The following RELN variants were observed in gnomAD, a reference collection of about 807,000 sequenced individuals.
RELN encodes the protein reelin.
Under a neutral mutation model 427.6 loss-of-function variants are expected in RELN, and 108 were observed. That is an observed-to-expected ratio of 0.25 (90% CI 0.22 to 0.30). RELN has a LOEUF of 0.30. RELN is among the 10% of genes least tolerant of loss of function. The probability of loss-of-function intolerance (pLI) is 1.00; values close to 1 mark genes in which losing one functional copy is unlikely to be tolerated. For synonymous variants in RELN, 1,524 were observed against 1,513.4 expected, an observed-to-expected ratio of 1.01 and a Z score of -0.16; for missense variants, 3,715 against 4,302.8, an observed-to-expected ratio of 0.86 and a Z score of 3.82.
rs1584342473 is a variant in RELN, at chr7:103,610,745, A to G, written c.2958T>C (p.Ser986=). 6.2e-7 allele frequency: 1 copy of G among 1,611,346 alleles called. No homozygotes were observed. Among genetic ancestry groups the G allele is most frequent in the East Asian group, 2.2e-5 (1 of 44,802 alleles). ...EFTSASIYHA[S]EFTQWRRVIV... ...TGACTCTCCTCCACTGTGTAAACTC[A>G]CTGGCATGGTAAATACTTGCTGATG... is the stretch of plus-strand genomic sequence containing the variant. The change falls in exon 22 of 65, where the codon AGT becomes AGC. Residue 986 remains serine (S), a synonymous_variant. Coordinates refer to ENST00000428762, the MANE Select transcript of RELN (RefSeq NM_005045.4).
intron 5 of RELN, among the ~76,000 whole-genome samples, chr7:103,750,871 T>C (rs921920016): frequency 6.6e-6 from 1 of 152,174 alleles, no homozygotes; most frequent in Non-Finnish European, 1.5e-5. Flanking sequence ...CACTACACAT[T>C]TGAGGTATAT....
chr7:103,843,067 C>G (rs568060618), intron 2 of RELN, among the ~76,000 whole-genome samples: 3 of 152,262 alleles, frequency 2.0e-5, no homozygotes, highest in Admixed American at 6.5e-5. Context: ...CATTCTATTC[C>G]TCAGTTTCCT....
intron 28 of RELN, among the ~76,000 whole-genome samples, chr7:103,586,288 G>C (rs1313766092): frequency 6.6e-6 from 1 of 152,038 alleles, no homozygotes; most frequent in Non-Finnish European, 1.5e-5. Flanking sequence ...GCTTGAACCT[G>C]GGAGGCGGAG....
At position 103,572,167 on chromosome 7, in the gene RELN, G is replaced by A; in HGVS notation, c.4588+17C>T. The A allele has an allele frequency of 1.4e-6, 2 of 1,471,090 alleles. No individual in the cohort carries two copies. The highest frequency in any genetic ancestry group is 1.9e-6 in the Non-Finnish European group (2 of 1,049,970). The allele number at this position is 1,471,090 out of a possible 1,614,324, so 91.1% of individuals were successfully genotyped here. On this transcript the variant is annotated intron_variant, in intron 31 of 64. Coordinates refer to ENST00000428762, the MANE Select transcript of RELN (RefSeq NM_005045.4). The stretch of plus-strand genomic sequence containing the variant: ...GCCAATAGTAACTGTAATTTCCATG[G>A]AAATACAGCAGCTTACCTTCATTTC...
intron 60 of RELN, among the ~76,000 whole-genome samples, chr7:103,488,410 T>A (rs1300131417): frequency 6.6e-6 from 1 of 152,204 alleles, no homozygotes; most frequent in African/African-American, 2.4e-5. Flanking sequence ...ATTCACTCAT[T>A]TGACTAGAGT....
chr7:103,756,971 T>A (rs1791174450), intron 4 of RELN, among the ~76,000 whole-genome samples: 1 of 152,180 alleles, frequency 6.6e-6, no homozygotes, highest in Non-Finnish European at 1.5e-5. Context: ...AATGACCATA[T>A]CAATCTAGTT....
intron 1 of RELN, among the ~76,000 whole-genome samples, chr7:103,973,033 A>C (rs957691989): frequency 1.3e-5 from 2 of 152,166 alleles, no homozygotes; most frequent in Admixed American, 1.3e-4. Flanking sequence ...CACAACAGAG[A>C]GTATTAGAAT....
intron 3 of RELN, among the ~76,000 whole-genome samples, chr7:103,814,744 G>A (rs1792828201): frequency 6.9e-6 from 1 of 144,024 alleles, no homozygotes; most frequent in South Asian, 2.2e-4. Context: ...GTTCTACTGT[G>A]GGCTGTCACC....
intron 60 of RELN, among the ~76,000 whole-genome samples, chr7:103,488,521 G>A (rs1404466303): frequency 6.6e-6 from 1 of 152,198 alleles, no homozygotes; most frequent in African/African-American, 2.4e-5. Flanking sequence ...CATCAGAGAT[G>A]TGCAGCAGTC....
At chr7:103,615,226 C>T (rs537622087) in intron 20 of RELN, among the ~76,000 whole-genome samples, 1 of 152,290 alleles carries the variant, frequency 6.6e-6, no homozygotes, top group East Asian at 1.9e-4. Flanking sequence ...GATAACTCCA[C>T]TTAGGACAGG....
chr7:103,952,901 C>T (rs536180953), intron 1 of RELN, among the ~76,000 whole-genome samples: 3 of 152,158 alleles, frequency 2.0e-5, no homozygotes, highest in South Asian at 4.2e-4. Context: ...CTTTACTAAC[C>T]GGGAAAACGG....
At chr7:103,935,663 G>A (rs548908054) in intron 1 of RELN, among the ~76,000 whole-genome samples, 19 of 152,180 alleles carry the variant, frequency 1.2e-4, no homozygotes, top group South Asian at 1.0e-3. Context: ...GACTAGACCC[G>A]TATTTGACAT....
chr7:103,784,037 A>G (rs1191595832), intron 3 of RELN, among the ~76,000 whole-genome samples: 8 of 152,178 alleles, frequency 5.3e-5, no homozygotes, highest in South Asian at 4.1e-4. Flanking sequence ...TAAATCACCA[A>G]TGAAGTGAAT....
intron 2 of RELN, among the ~76,000 whole-genome samples, chr7:103,900,337 G>A (rs1403570404): frequency 1.3e-5 from 2 of 152,104 alleles, no homozygotes; most frequent in Non-Finnish European, 1.5e-5. Flanking sequence ...CTCATGTATA[G>A]GAAGAATCAA....
chr7:103,898,603 G>A lies in RELN; in HGVS notation c.337+18472C>T, dbSNP rs183193162. The stretch of plus-strand genomic sequence containing the variant: ...TAGCACTGGTGCCACTATTGAGTGT[G>A]CGTAATTTTAAACATCTTTGCCAAA... On this transcript the variant is annotated intron_variant, in intron 2 of 64. Coordinates refer to ENST00000428762, the MANE Select transcript of RELN (RefSeq NM_005045.4). Among the ~76,000 whole-genome samples, 136 of 152,122 alleles carry A rather than the reference G, an allele frequency of 8.9e-4. 2 individuals are homozygous for A. The East Asian group carries it at 0.024, about 27-fold the overall frequency.
At chr7:103,921,851 G>A (rs1436866321) in intron 1 of RELN, among the ~76,000 whole-genome samples, 1 of 151,930 alleles carries the variant, frequency 6.6e-6, no homozygotes, top group Non-Finnish European at 1.5e-5. Context: ...CTCTTACCTA[G>A]AATGACCCCT....
At chr7:103,698,524 GT>G (rs1238574931) in intron 9 of RELN, among the ~76,000 whole-genome samples, 1 of 151,942 alleles carries the variant, frequency 6.6e-6, no homozygotes, top group Non-Finnish European at 1.5e-5. Flanking sequence ...GTGTGATTTT[GT>G]TTTTTTGAGA....
Position 103,580,586 on chromosome 7 carries a change from T to A in RELN, c.4146-4881A>T, listed in dbSNP as rs142369636. On this transcript the variant is annotated intron_variant, in intron 28 of 64. Coordinates refer to ENST00000428762, the MANE Select transcript of RELN (RefSeq NM_005045.4). ...TATATATTTAATTAATTATTTTTTT[T>A]ATTTCAATAGTTTTTGGGGGTACAG... is the stretch of plus-strand genomic sequence containing the variant. 4.7e-3 allele frequency among the ~76,000 whole-genome samples: 712 copies of A among 152,346 alleles called. 5 individuals are homozygous for A. The highest frequency in any genetic ancestry group is 0.015 in the African/African-American group (644 of 41,578).
At chr7:103,498,421 A>G (rs1333732133) in intron 53 of RELN, among the ~76,000 whole-genome samples, 169 bp from the exon 54 acceptor site, 4 of 152,208 alleles carry the variant, frequency 2.6e-5, no homozygotes, top group African/African-American at 4.8e-5. Flanking sequence ...TTCCTGTCGT[A>G]TATTGAAAAT....
Sources: allele counts gnomAD v4.1 joint callset (sites outside exome capture counted in the v4.1 genomes callset), GRCh38; gene constraint gnomAD v4.1.1; transcripts MANE v1.5; gene names NCBI Gene and HGNC (gene_info 2026-07-23, HGNC 2026-07-21).